TMEM242: variants seen among roughly 807,000 people sequenced by gnomAD.
The protein encoded by TMEM242 is UPF0463 transmembrane protein C6orf35.
In TMEM242, 10 loss-of-function variants were observed where a neutral mutation model predicts 18.2. The observed-to-expected ratio is 0.55, with a 90% CI of 0.34 to 0.93. The LOEUF is 0.93. TMEM242 is among the 40% of genes least tolerant of loss of function. The pLI, the probability that TMEM242 is intolerant of heterozygous loss-of-function variation, is 0.02. For synonymous variants in TMEM242, 57 were observed against 69.9 expected, an observed-to-expected ratio of 0.81 and a Z score of 0.92; for missense variants, 186 against 175.5, an observed-to-expected ratio of 1.06 and a Z score of -0.34.
intron 3 of TMEM242, among the ~76,000 whole-genome samples, chr6:157,296,551 C>T (rs1022023984): frequency 5.3e-5 from 8 of 152,188 alleles, no homozygotes; most frequent in East Asian, 1.9e-4. Context: ...GGCATGGTGG[C>T]GCACGCCTGT....
chr6:157,314,986 G>C lies in TMEM242; in HGVS notation c.327+3796C>G, dbSNP rs587672615. ...CTATCAGAGATTCAATTCAATTCGA[G>C]CTAGCTACTTACAATTATTTAACGC... On this transcript the variant is annotated intron_variant, in intron 3 of 3. Coordinates refer to ENST00000400788, the MANE Select transcript of TMEM242 (RefSeq NM_018452.6). Among the ~76,000 whole-genome samples, 20 of 152,268 alleles carry C rather than the reference G, an allele frequency of 1.3e-4. No individual in the cohort carries two copies. In the East Asian group the frequency reaches 3.5e-3, roughly 26 times the overall value.
chr6:157,298,537 T>C (rs971509571), intron 3 of TMEM242, among the ~76,000 whole-genome samples: 3 of 152,306 alleles, frequency 2.0e-5, no homozygotes, highest in Non-Finnish European at 2.9e-5. Flanking sequence ...CAGTCCCCAC[T>C]TCATGTCTTT....
chr6:157,311,669 C>T (rs868951767), intron 3 of TMEM242, among the ~76,000 whole-genome samples: 25 of 53,938 alleles, frequency 4.6e-4, no homozygotes, highest in South Asian at 7.2e-4. Flanking sequence ...CTCACCCGGC[C>T]TCATCATAGT....
intron 1 of TMEM242, 31 bp downstream of exon 1, chr6:157,323,381 G>A (rs934327369): frequency 2.5e-6 from 4 of 1,608,808 alleles, no homozygotes; most frequent in Non-Finnish European, 2.6e-6. Context: ...AACTCACCCC[G>A]ACGCCCGCAC....
chr6:157,292,206 AAT>A lies in TMEM242; in HGVS notation c.*693_*694del, dbSNP rs1341423966. 4.0e-5 allele frequency: 6 copies of A among 149,200 alleles called. No homozygotes were observed. Among genetic ancestry groups the A allele is most frequent in the Non-Finnish European group, 8.9e-5 (6 of 67,102 alleles). 9.2% of individuals were successfully genotyped at this position (149,200 alleles called of 1,614,324 possible). A position where few individuals can be genotyped will look rare whatever the true frequency, so the allele number is the denominator to read the frequency against. Reference sequence around the variant, plus strand: ...GAGATCCAGACCAACTTCTCAAAAAAATATGTTTACCCCTGATATCATCATTA... The same window carrying A: ...GAGATCCAGACCAACTTCTCAAAAAAATGTTTACCCCTGATATCATCATTA... On this transcript the variant is annotated 3_prime_UTR_variant, in exon 4 of 4. Transcript: ENST00000400788.
intron 3 of TMEM242, chr6:157,318,117 A>G (rs1263339464): frequency 6.6e-6 from 1 of 152,256 alleles, no homozygotes; most frequent in Non-Finnish European, 1.5e-5. Context: ...TAATTTAAAT[A>G]ATTAATTTTA....
At chr6:157,301,913 T>C (rs1185240504) in intron 3 of TMEM242, among the ~76,000 whole-genome samples, 3 of 151,856 alleles carry the variant, frequency 2.0e-5, no homozygotes, top group African/African-American at 4.8e-5. Flanking sequence ...GCCTGGGCGA[T>C]AGAGCAAGAC....
chr6:157,316,092 C>T (rs1350532583), intron 3 of TMEM242, among the ~76,000 whole-genome samples: 1 of 152,114 alleles, frequency 6.6e-6, no homozygotes, highest in African/African-American at 2.4e-5. Flanking sequence ...TTTTCAAATA[C>T]CTTAAAATTT....
rs1777675762 is a variant in TMEM242 at position 157,290,895 on chromosome 6, T to A, written c.*2006A>T. The stretch of plus-strand genomic sequence containing the variant: ...GGACAGCAGAGGTGACATATAAGGG[T>A]TTTGTAGACACGAGGCATGCCACTC... On this transcript the variant is annotated 3_prime_UTR_variant, in exon 4 of 4. Coordinates refer to ENST00000400788, the MANE Select transcript of TMEM242 (RefSeq NM_018452.6). 1 of 151,938 alleles carries A rather than the reference T, an allele frequency of 6.6e-6. No individual in the cohort carries two copies. Among genetic ancestry groups the A allele is most frequent in the Admixed American group, 6.6e-5 (1 of 15,248 alleles). 9.4% of individuals were successfully genotyped at this position (151,938 alleles called of 1,614,324 possible).
rs587622384 is a variant in TMEM242, at chr6:157,319,810, T to C, written c.190-891A>G. Among the ~76,000 whole-genome samples, 12 of 152,302 alleles carry C rather than the reference T, an allele frequency of 7.9e-5. No individual in the cohort carries two copies. The South Asian group carries it at 2.1e-3, about 26-fold the overall frequency. ...AATAGCAAGATTACTAAAAATTGTA[T>C]CATTTCTTCCCTAGAAGTATCCCAA... is the stretch of plus-strand genomic sequence containing the variant. On this transcript the variant is annotated intron_variant, in intron 2 of 3. Coordinates refer to ENST00000400788, the MANE Select transcript of TMEM242 (RefSeq NM_018452.6).
At chr6:157,299,856 C>T in intron 3 of TMEM242, 1 of 1,613,016 alleles carries the variant, frequency 6.2e-7, no homozygotes, top group Admixed American at 1.7e-5. Context: ...TCATCAAGAT[C>T]CACAAGGGCA....
At chr6:157,310,687 C>G (rs975160671) in intron 3 of TMEM242, among the ~76,000 whole-genome samples, 132 of 150,632 alleles carry the variant, frequency 8.8e-4, no homozygotes, top group African/African-American at 1.3e-3. Flanking sequence ...TGTGCGCTCA[C>G]CTAGCCTCAT....
intron 3 of TMEM242, among the ~76,000 whole-genome samples, chr6:157,293,920 T>C (rs1554247021): frequency 6.6e-6 from 1 of 152,074 alleles, no homozygotes; most frequent in African/African-American, 2.4e-5. Flanking sequence ...GGGGTCTTGC[T>C]ATGTTGCCCA....
At chr6:157,307,746 C>T (rs1777935027) in intron 3 of TMEM242, among the ~76,000 whole-genome samples, 1 of 152,140 alleles carries the variant, frequency 6.6e-6, no homozygotes, top group Admixed American at 6.5e-5. Flanking sequence ...GGAAAATATT[C>T]CCCAGTCCTC....
chr6:157,304,922 T>C (rs1160393330), intron 3 of TMEM242, among the ~76,000 whole-genome samples: 1 of 151,990 alleles, frequency 6.6e-6, no homozygotes, highest in African/African-American at 2.4e-5. Context: ...GCCCTGTGTG[T>C]TGAAGGAATA....
In TMEM242 at chr6:157,322,813, G is replaced by C; in HGVS notation, c.89-8C>G. 6.2e-7 allele frequency: 1 copy of C among 1,609,022 alleles called. No individual in the cohort carries two copies. The highest frequency in any genetic ancestry group is 8.5e-7 in the Non-Finnish European group (1 of 1,177,100). On this transcript the variant is annotated splice_polypyrimidine_tract_variant and splice_region_variant and intron_variant, in intron 1 of 3. Coordinates refer to ENST00000400788, the MANE Select transcript of TMEM242 (RefSeq NM_018452.6). ...TACCAAGGAAAATTCCACCTGCCAA[G>C]AGTTTCGGGGAGGAGGGGGGATATT...
intron 3 of TMEM242, among the ~76,000 whole-genome samples, chr6:157,306,246 T>C (rs1554247904): frequency 1.3e-5 from 2 of 151,668 alleles, no homozygotes; most frequent in African/African-American, 4.8e-5. Context: ...AAGGCCAGAG[T>C]GCTCTGGCAG....
intron 3 of TMEM242, among the ~76,000 whole-genome samples, chr6:157,312,355 A>ATAGTGCCCCAGTGTGCGCTCACC: frequency 9.1e-5 from 1 of 11,002 alleles, no homozygotes; most frequent in Non-Finnish European, 2.3e-4. Context: ...TAGCCTCATC[A>ATAGTGCCCCAGTGTGCGCTCACC]TGTCCCAGTG....
chr6:157,314,545 C>T (rs1247411401), intron 3 of TMEM242, among the ~76,000 whole-genome samples: 2 of 152,192 alleles, frequency 1.3e-5, no homozygotes, highest in African/African-American at 2.4e-5. Context: ...TCAAGCCGTG[C>T]TTGTTGGCCA....
Sources: allele counts gnomAD v4.1 joint callset (sites outside exome capture counted in the v4.1 genomes callset), GRCh38; gene constraint gnomAD v4.1.1; transcripts MANE v1.5; gene names NCBI Gene and HGNC (gene_info 2026-07-23, HGNC 2026-07-21).